PLET1: variants seen among roughly 807,000 people sequenced by gnomAD.
PLET1 encodes the protein placenta-expressed transcript 1 protein.
In PLET1, 20 loss-of-function variants were observed where a neutral mutation model predicts 18.5. The observed-to-expected ratio is 1.08, with a 90% CI of 0.76 to 1.57. PLET1 has a LOEUF of 1.57. PLET1 is among the 40% of genes most tolerant of loss of function. PLET1 has a pLI of 0.00. For synonymous variants in PLET1, 93 were observed against 93.8 expected, an observed-to-expected ratio of 0.99 and a Z score of 0.05; for missense variants, 256 against 246.4, an observed-to-expected ratio of 1.04 and a Z score of -0.26.
chr11:112,252,719 G>T (rs1010884592), intron 2 of PLET1, among the ~76,000 whole-genome samples: 1 of 152,076 alleles, frequency 6.6e-6, no homozygotes, highest in African/African-American at 2.4e-5. Flanking sequence ...ACCTGTCCTG[G>T]TCACATCTGC....
intron 1 of PLET1, among the ~76,000 whole-genome samples, chr11:112,257,912 G>A (rs1018156021): frequency 1.3e-5 from 2 of 152,214 alleles, no homozygotes; most frequent in Non-Finnish European, 2.9e-5. Flanking sequence ...CAAGGCAATC[G>A]TGGAGCCTGC....
intron 3 of PLET1, among the ~76,000 whole-genome samples, chr11:112,250,220 CTTTTTTTTTT>C (rs33963716): frequency 2.2e-4 from 11 of 49,870 alleles, no homozygotes; most frequent in Middle Eastern, 0.021. Context: ...AGAAACAAAC[CTTTTTTTTTT>C]TTTTTTTTTT....
intron 1 of PLET1, 163 bp downstream of exon 1, chr11:112,260,243 C>T (rs1860272874): frequency 2.7e-6 from 2 of 742,520 alleles, no homozygotes; most frequent in African/African-American, 1.8e-5. Flanking sequence ...CCCCAGCCCA[C>T]TCCCTTAATT....
Position 112,255,955 on chromosome 11 carries a change from C to T in PLET1, c.185-366G>A, listed in dbSNP as rs149038195. Among the ~76,000 whole-genome samples the T allele has an allele frequency of 6.0e-3, 915 of 152,264 alleles. 3 individuals carry two copies. Among genetic ancestry groups the T allele is most frequent in the South Asian group, 0.011 (51 of 4,828 alleles). On this transcript the variant is annotated intron_variant, in intron 1 of 3. Coordinates refer to ENST00000338832, the MANE Select transcript of PLET1 (RefSeq NM_001145024.1). ...AGTGAATCTCTTTACCTCTCTGAGC[C>T]GGGGCCCATTTCTCAGATGAGAAGA...
At chr11:112,255,723 T>C in intron 1 of PLET1, 134 bp from the exon 2 acceptor site, 1 of 737,916 alleles carries the variant, frequency 1.4e-6, no homozygotes, top group South Asian at 1.7e-5. Context: ...GTATATGGTC[T>C]CACTGTTGTA....
Position 112,257,437 on chromosome 11 carries a change from G to A in PLET1, c.185-1848C>T, listed in dbSNP as rs373626110. ...TACTTTGTGCTTTGTGCTATGTGCT[G>A]TGGTTTCATCTGTGTTGGTATCTGG... On this transcript the variant is annotated intron_variant, in intron 1 of 3. Coordinates refer to ENST00000338832, the MANE Select transcript of PLET1 (RefSeq NM_001145024.1). 1.3e-4 allele frequency among the ~76,000 whole-genome samples: 20 copies of A among 150,182 alleles called. No homozygotes were observed. The East Asian group carries it at 2.9e-3, about 22-fold the overall frequency.
At chr11:112,252,253 TA>T in intron 3 of PLET1, 94 bp downstream of exon 3, 1 of 1,111,658 alleles carries the variant, frequency 9.0e-7, no homozygotes. Context: ...TGATGCGTGG[TA>T]AGAAGACCCT....
chr11:112,255,247 G>T, intron 2 of PLET1, 141 bp downstream of exon 2: 2 of 827,320 alleles, frequency 2.4e-6, no homozygotes, highest in South Asian at 3.3e-5. Flanking sequence ...GTAGAGCACT[G>T]TGAGACGGTA....
chr11:112,252,199 A>G lies in PLET1; in HGVS notation c.448+149T>C, dbSNP rs189842557. ...GGACAACGGGTTGGGCAAATATTCT[A>G]TAGGTCTCAAGGTGCAGGGAGACTC... On this transcript the variant is annotated intron_variant, in intron 3 of 3. Coordinates refer to ENST00000338832, the MANE Select transcript of PLET1 (RefSeq NM_001145024.1). 744 of 736,834 alleles carry G rather than the reference A, an allele frequency of 1.0e-3. 3 individuals carry two copies. In the African/African-American group the frequency reaches 0.012, roughly 12 times the overall value. The allele number at this position is 736,834 out of a possible 1,614,324, so 45.6% of individuals were successfully genotyped here. A position where few individuals can be genotyped will look rare whatever the true frequency, so the allele number is the denominator to read the frequency against.
At chr11:112,254,334 G>A (rs1221136509) in intron 2 of PLET1, among the ~76,000 whole-genome samples, 1 of 75,596 alleles carries the variant, frequency 1.3e-5, no homozygotes, top group Non-Finnish European at 3.2e-5. Context: ...TGTGGGGGTG[G>A]TGTGTGGTGT....
At chr11:112,258,272 TC>T (rs1860246013) in intron 1 of PLET1, among the ~76,000 whole-genome samples, 1 of 139,264 alleles carries the variant, frequency 7.2e-6, no homozygotes, top group Non-Finnish European at 1.5e-5. Context: ...ATGATAGATT[TC>T]TTTCTTTCTT....
intron 3 of PLET1, among the ~76,000 whole-genome samples, chr11:112,250,351 C>CA (rs1358677402): frequency 1.3e-5 from 2 of 148,582 alleles, no homozygotes; most frequent in African/African-American, 5.0e-5. Flanking sequence ...CCTTGCCAGT[C>CA]ACAGCCCATG....
rs773040395 is a variant in PLET1 at position 112,252,252 on chromosome 11, G to T, written c.448+96C>A. 376 of 1,100,450 alleles carry T rather than the reference G, an allele frequency of 3.4e-4. 1 individual carries two copies. Among genetic ancestry groups the T allele is most frequent in the Non-Finnish European group, 5.0e-4 (368 of 740,554 alleles). 68.2% of individuals were successfully genotyped at this position (1,100,450 alleles called of 1,614,324 possible). ...CTGATAGATAGCTGAGTGATGCGTG[G>T]TAAGAAGACCCTCTTTTCTAGGGAA... On this transcript the variant is annotated intron_variant, in intron 3 of 3. Coordinates refer to ENST00000338832, the MANE Select transcript of PLET1 (RefSeq NM_001145024.1).
chr11:112,255,025 GC>G (rs141369247), intron 2 of PLET1, among the ~76,000 whole-genome samples: 131,702 of 133,536 alleles, frequency 0.99, 64,939 homozygotes, highest in African/African-American at 0.99. Flanking sequence ...TGGTGTGTGA[GC>G]GTATGTGGTG....
chr11:112,260,528 T>G lies in PLET1; in HGVS notation c.62A>C (p.Gln21Pro). ...PLGMFLCLSL[Q>P]LSSATFIRYS... ...CCTTATAAAGGTGGCAGAAGAAAGC[T>G]GCAGACTGAGGCACAGAAACATCCC... The change falls in exon 1 of 4, where the codon CAG (glutamine) becomes CCG (proline). Residue 21 changes from glutamine (Q) to proline (P), a missense_variant. Physicochemically the swap from Gln to Pro is moderately conservative, Grantham distance 76. Coordinates refer to ENST00000338832, the MANE Select transcript of PLET1 (RefSeq NM_001145024.1). 6.4e-7 allele frequency: 1 copy of G among 1,551,700 alleles called. No individual in the cohort carries two copies.
Position 112,255,299 on chromosome 11 carries a change from G to A in PLET1, c.386+89C>T, listed in dbSNP as rs1296437542. 4 of 1,306,816 alleles carry A rather than the reference G, an allele frequency of 3.1e-6. No individual in the cohort carries two copies. The African/African-American group carries it at 5.9e-5, about 19-fold the overall frequency. The allele number at this position is 1,306,816 out of a possible 1,614,324, so 81.0% of individuals were successfully genotyped here. ...GAGTTCTCCATATCACGTCTGGATT[G>A]TATTTTAAGTCCTCCTAGCTTAGTG... On this transcript the variant is annotated intron_variant, in intron 2 of 3. Coordinates refer to ENST00000338832, the MANE Select transcript of PLET1 (RefSeq NM_001145024.1).
rs1469016143 is a variant in PLET1 at position 112,255,639 on chromosome 11, A to G, written c.185-50T>C. 2.0e-6 allele frequency: 3 copies of G among 1,471,820 alleles called. No homozygotes were observed. In the East Asian group the frequency reaches 7.4e-5, roughly 36 times the overall value. The allele number at this position is 1,471,820 out of a possible 1,614,324, so 91.2% of individuals were successfully genotyped here. A position where few individuals can be genotyped will look rare whatever the true frequency, so the allele number is the denominator to read the frequency against. ...ATCAGCCATCTGTTCCCTCTGAGCC[A>G]AGCTCGAGGGATGAGGGCAGTGAAA... On this transcript the variant is annotated intron_variant, in intron 1 of 3. Coordinates refer to ENST00000338832, the MANE Select transcript of PLET1 (RefSeq NM_001145024.1).
At chr11:112,252,771 A>G (rs938582162) in intron 2 of PLET1, among the ~76,000 whole-genome samples, 2 of 151,974 alleles carry the variant, frequency 1.3e-5, no homozygotes, top group Non-Finnish European at 2.9e-5. Flanking sequence ...GTTTCTCCCT[A>G]TTGTCACTAA....
Position 112,248,312 on chromosome 11 carries a change from C to T in PLET1, c.*487G>A, listed in dbSNP as rs971553547. On this transcript the variant is annotated 3_prime_UTR_variant, in exon 4 of 4. Transcript: ENST00000338832. ...TGGACAAATGGGAAGCTGCCAGCAGCCTCAGAGCTATTTCTCCTTTCTCCT... is the reference window on the plus strand; with the variant it reads ...TGGACAAATGGGAAGCTGCCAGCAGTCTCAGAGCTATTTCTCCTTTCTCCT... Among the ~76,000 whole-genome samples, 6 of 152,186 alleles carry T rather than the reference C, an allele frequency of 3.9e-5. No homozygotes were observed. Among genetic ancestry groups the T allele is most frequent in the African/African-American group, 1.4e-4 (6 of 41,424 alleles).
Sources: allele counts gnomAD v4.1 joint callset (sites outside exome capture counted in the v4.1 genomes callset), GRCh38; gene constraint gnomAD v4.1.1; transcripts MANE v1.5; gene names NCBI Gene and HGNC (gene_info 2026-07-23, HGNC 2026-07-21).